The following APMAP variants were observed in gnomAD, a reference collection of about 807,000 sequenced individuals.
APMAP encodes adipocyte plasma membrane associated protein.
A neutral mutation model predicts 43.6 loss-of-function variants in APMAP; 33 were observed. That is an observed-to-expected ratio of 0.76 (90% CI 0.57 to 1.01). The LOEUF (loss-of-function observed/expected upper bound fraction) is 1.01. Among genes scored for constraint, APMAP ranks in the 50% least tolerant of loss-of-function variants. The pLI, the probability that APMAP is intolerant of heterozygous loss-of-function variation, is 0.00. For missense variants in APMAP, 498 were observed against 540.7 expected (o/e 0.92, Z 0.78); for synonymous variants, 224 against 216.7 (o/e 1.03, Z -0.30).
intron 1 of APMAP, among the ~76,000 whole-genome samples, chr20:24,987,584 TG>T (rs1465310297): frequency 2.0e-5 from 3 of 152,312 alleles, no homozygotes; most frequent in East Asian, 3.9e-4. Context: ...TAAATATCAC[TG>T]AACTGTGCAC....
In APMAP at chr20:24,973,675, T is replaced by G. The variant is rs1189778148; in HGVS notation, c.391A>C (p.Thr131Pro). 3.1e-6 allele frequency: 5 copies of G among 1,613,926 alleles called. No homozygotes were observed. The highest frequency in any genetic ancestry group is 1.1e-5 in the South Asian group (1 of 91,068). ...VVKLENGEIE[T>P]IARFGSGPCK... ...GGGCCCGAACCAAACCGGGCAATGG[T>G]CTCTATTTCACCATTTTCAAGTTTT... The change falls in exon 4 of 9, where the codon ACC becomes CCC. Residue 131 changes from threonine (T) to proline (P), a missense_variant. Transcript: ENST00000217456.
rs777918529 is a variant in APMAP at position 24,968,910 on chromosome 20, A to G, written c.1023T>C (p.Ile341=). Residue 341 remains isoleucine (I), a synonymous_variant, in exon 8 of 9, where the codon ATT becomes ATC. Transcript: ENST00000217456. ...MLDFLSERPW[I]KRMIFKLFSQ... The stretch of plus-strand genomic sequence containing the variant: ...CAGTTACCTTAAAAATCATCCTTTT[A>G]ATCCAGGGTCTCTCAGATAAGAAAT... 1 of 1,594,468 alleles carries G rather than the reference A, an allele frequency of 6.3e-7. No individual in the cohort carries two copies. Among genetic ancestry groups the G allele is most frequent in the East Asian group, 2.2e-5 (1 of 44,720 alleles).
chr20:24,984,920 A>G (rs1201051103), intron 1 of APMAP, among the ~76,000 whole-genome samples: 1 of 152,218 alleles, frequency 6.6e-6, no homozygotes, highest in African/African-American at 2.4e-5. Flanking sequence ...AAACAAAATC[A>G]TGAGTTCCTA....
At chr20:24,974,786 C>T (rs564936739) in intron 3 of APMAP, among the ~76,000 whole-genome samples, 74 of 152,022 alleles carry the variant, frequency 4.9e-4, no homozygotes, top group African/African-American at 1.8e-3. Context: ...GTCAATGCCT[C>T]AAAAAAACAT....
Position 24,973,612 on chromosome 20 carries a change from A to G in APMAP, c.421+33T>C, listed in dbSNP as rs376419321. 122 of 1,582,284 alleles carry G rather than the reference A, an allele frequency of 7.7e-5. 1 individual carries two copies. The highest frequency in any genetic ancestry group is 7.2e-5 in the Non-Finnish European group (83 of 1,152,080). ...ATCCAACATCTTTCTGAAAGACTGG[A>G]AGAGACACATCGAGGGATTATCACC... On this transcript the variant is annotated intron_variant, in intron 4 of 8. Transcript: ENST00000217456.
At chr20:24,979,634 G>A (rs1048247929) in intron 2 of APMAP, among the ~76,000 whole-genome samples, 3 of 151,960 alleles carry the variant, frequency 2.0e-5, no homozygotes, top group African/African-American at 7.3e-5. Flanking sequence ...CCATCCTCTC[G>A]CCTCGCCCCT....
At chr20:24,990,412 C>T (rs180804779) in intron 1 of APMAP, among the ~76,000 whole-genome samples, 115 of 152,240 alleles carry the variant, frequency 7.6e-4, no homozygotes, top group South Asian at 6.8e-3. Context: ...ACACATAGAC[C>T]TCAATGATCT....
chr20:24,967,712 C>T (rs1219447771), intron 8 of APMAP, among the ~76,000 whole-genome samples: 4 of 152,210 alleles, frequency 2.6e-5, no homozygotes. Context: ...GACAGAGCAC[C>T]TGAGGCAGCG....
chr20:24,976,349 A>G (rs2122506495), intron 3 of APMAP, among the ~76,000 whole-genome samples: 1 of 152,374 alleles, frequency 6.6e-6, no homozygotes, highest in African/African-American at 2.4e-5. Context: ...CTCAACAATA[A>G]GAAAATGAAC....
intron 3 of APMAP, chr20:24,974,343 A>C (rs2088032087): frequency 6.6e-6 from 1 of 152,200 alleles, no homozygotes; most frequent in South Asian, 2.1e-4. Flanking sequence ...AGTATAACTG[A>C]TATGCTAAGA....
Position 24,978,759 on chromosome 20 carries a change from A to G in APMAP, c.328+8T>C. 6.2e-6 allele frequency: 7 copies of G among 1,126,332 alleles called. No homozygotes were observed. Among genetic ancestry groups the G allele is most frequent in the South Asian group, 1.2e-5 (1 of 81,576 alleles). The allele number at this position is 1,126,332 out of a possible 1,614,324, so 69.8% of individuals were successfully genotyped here. A position where few individuals can be genotyped will look rare whatever the true frequency, so the allele number is the denominator to read the frequency against. ...GAAGGCTCCCCCCCCACCCAAGCTT[A>G]GACTTACCCCCAATATGTGCTATGG... On this transcript the variant is annotated splice_region_variant and intron_variant, in intron 3 of 8. Coordinates refer to ENST00000217456, the MANE Select transcript of APMAP (RefSeq NM_020531.3).
chr20:24,968,776 TGTCATTCAGA>T (rs1317464375), intron 8 of APMAP, 106 bp downstream of exon 8: 1 of 986,090 alleles, frequency 1.0e-6, no homozygotes, highest in Non-Finnish European at 1.4e-6. Context: ...TGTTTCTAAG[TGTCATTCAGA>T]GCCAAATACT....
chr20:24,990,968 G>T (rs2088186953), intron 1 of APMAP, among the ~76,000 whole-genome samples: 1 of 152,136 alleles, frequency 6.6e-6, no homozygotes, highest in Non-Finnish European at 1.5e-5. Flanking sequence ...AATGTAAAAG[G>T]CACACTGGAA....
chr20:24,986,617 G>A (rs2088149892), intron 1 of APMAP, among the ~76,000 whole-genome samples: 1 of 152,216 alleles, frequency 6.6e-6, no homozygotes, highest in African/African-American at 2.4e-5. Flanking sequence ...TCTGCAGCAG[G>A]GAAAGGAGTA....
At chr20:24,979,182 A>C (rs2088078594) in intron 2 of APMAP, among the ~76,000 whole-genome samples, 1 of 152,010 alleles carries the variant, frequency 6.6e-6, no homozygotes, top group Admixed American at 6.5e-5. Flanking sequence ...CCCCCATCCA[A>C]TGCCTCAGGG....
intron 4 of APMAP, among the ~76,000 whole-genome samples, chr20:24,973,394 T>C (rs559595055): frequency 7.2e-5 from 11 of 152,250 alleles, no homozygotes; most frequent in African/African-American, 2.4e-4. Context: ...GCGAGGCCCA[T>C]GCAGTACCAA....
At chr20:24,979,272 C>T (rs925933391) in intron 2 of APMAP, among the ~76,000 whole-genome samples, 2 of 152,160 alleles carry the variant, frequency 1.3e-5, no homozygotes, top group African/African-American at 2.4e-5. Context: ...GCAGTGCCCA[C>T]GTTTCACACC....
rs145342112 is a variant in APMAP, at chr20:24,963,975, G to A, written c.1089C>T (p.Leu363=). Residue 363 remains leucine (L), a synonymous_variant, in exon 9 of 9, where the codon CTC becomes CTT. Coordinates refer to ENST00000217456, the MANE Select transcript of APMAP (RefSeq NM_020531.3). The part of the protein sequence containing the change: ...TVMKFVPRYS[L]VLELSDSGAF... ...CACCGCTGTCGCTGAGTTCTAGGAC[G>A]AGGCTGTACCGCGGCACAAACTTCA... 250 of 1,614,224 alleles carry A rather than the reference G, an allele frequency of 1.5e-4. No individual in the cohort carries two copies. The highest frequency in any genetic ancestry group is 9.9e-4 in the Middle Eastern group (6 of 6,062).
intron 4 of APMAP, among the ~76,000 whole-genome samples, chr20:24,972,018 T>C: frequency 6.7e-6 from 1 of 149,922 alleles, no homozygotes; most frequent in East Asian, 2.0e-4. Flanking sequence ...CTACAGGTGC[T>C]TACTGCAGGG....
Sources: allele counts gnomAD v4.1 joint callset (sites outside exome capture counted in the v4.1 genomes callset), GRCh38; gene constraint gnomAD v4.1.1; transcripts MANE v1.5; gene names NCBI Gene and HGNC (gene_info 2026-07-23, HGNC 2026-07-21).